Variants in CACHD1 observed in about 807,000 individuals in gnomAD.
CACHD1 encodes the protein VWFA and cache domain-containing protein 1.
A neutral mutation model predicts 138.7 loss-of-function variants in CACHD1; 71 were observed. That is an observed-to-expected ratio of 0.51 (90% confidence interval 0.42 to 0.62). The LOEUF (loss-of-function observed/expected upper bound fraction) is 0.62. Among genes scored for constraint, CACHD1 ranks in the 20% least tolerant of loss-of-function variants. CACHD1 has a pLI of 0.00. For synonymous variants in CACHD1, 578 were observed against 591.5 expected, an observed-to-expected ratio of 0.98 and a Z score of 0.33; for missense variants, 1,389 against 1,625.3, an observed-to-expected ratio of 0.85 and a Z score of 2.50.
At chr1:64,599,499 G>A (rs902091219) in intron 3 of CACHD1, among the ~76,000 whole-genome samples, 7 of 152,044 alleles carry the variant, frequency 4.6e-5, no homozygotes, top group Non-Finnish European at 1.0e-4. Context: ...AATTGGGGTC[G>A]AACAGAAGAG....
chr1:64,617,222 T>C (rs1292402652), intron 4 of CACHD1, among the ~76,000 whole-genome samples: 1 of 152,020 alleles, frequency 6.6e-6, no homozygotes, highest in African/African-American at 2.4e-5. Flanking sequence ...AATCAGAATG[T>C]TGGCTTGGTA....
intron 4 of CACHD1, among the ~76,000 whole-genome samples, chr1:64,606,011 T>A (rs1647325294): frequency 6.6e-6 from 1 of 151,928 alleles, no homozygotes; most frequent in Non-Finnish European, 1.5e-5. Flanking sequence ...ACCTGTTAAG[T>A]GGAAGGAATA....
intron 7 of CACHD1, among the ~76,000 whole-genome samples, chr1:64,637,136 C>T (rs1249666845): frequency 2.6e-5 from 4 of 152,196 alleles, no homozygotes; most frequent in Non-Finnish European, 5.9e-5. Flanking sequence ...TAGAAGTGTT[C>T]TTTCTACCAA....
intron 11 of CACHD1, 45 bp from the exon 12 acceptor site, chr1:64,654,641 A>G: frequency 6.8e-7 from 1 of 1,464,434 alleles, no homozygotes. Flanking sequence ...TAAGTGCTTA[A>G]TTTTATCTTT....
intron 1 of CACHD1, among the ~76,000 whole-genome samples, chr1:64,518,575 C>A (rs1646475868): frequency 6.6e-6 from 1 of 152,144 alleles, no homozygotes; most frequent in Non-Finnish European, 1.5e-5. Context: ...AAATTTAACA[C>A]AGAATCACAT....
intron 7 of CACHD1, among the ~76,000 whole-genome samples, chr1:64,641,082 C>A (rs1648698041): frequency 6.6e-6 from 1 of 151,882 alleles, no homozygotes; most frequent in Non-Finnish European, 1.5e-5. Context: ...CTTTTACCTT[C>A]TTTTTTTATC....
At chr1:64,628,120 A>G (rs1051091413) in intron 4 of CACHD1, among the ~76,000 whole-genome samples, 5 of 152,240 alleles carry the variant, frequency 3.3e-5, no homozygotes, top group African/African-American at 9.6e-5. Flanking sequence ...CTTTGTCTAC[A>G]GTAGAGGTGA....
intron 1 of CACHD1, among the ~76,000 whole-genome samples, chr1:64,548,712 G>A (rs904629051): frequency 2.0e-5 from 3 of 152,142 alleles, no homozygotes; most frequent in African/African-American, 7.2e-5. Flanking sequence ...CACACTAAGT[G>A]GTTTAACAAG....
chr1:64,554,368 T>G (rs1460173706), intron 2 of CACHD1, among the ~76,000 whole-genome samples: 1 of 152,182 alleles, frequency 6.6e-6, no homozygotes, highest in Admixed American at 6.5e-5. Context: ...CCCTAAATAG[T>G]GGGGCAGGTG....
chr1:64,691,310 G>T lies in CACHD1; in HGVS notation c.3587-13G>T. On this transcript the variant is annotated splice_polypyrimidine_tract_variant and intron_variant, in intron 26 of 26. Transcript: ENST00000651257. ...AAGCTCTCAGCTGTGTGTTTGTTTT[G>T]TTCTTTTTCTAGGTTACAGCACCAT... The T allele has an allele frequency of 6.2e-7, 1 of 1,611,688 alleles. No homozygotes were observed.
chr1:64,482,903 G>C (rs1324469261), intron 1 of CACHD1, among the ~76,000 whole-genome samples: 1 of 152,202 alleles, frequency 6.6e-6, no homozygotes, highest in African/African-American at 2.4e-5. Flanking sequence ...TTACTCATCT[G>C]CGTAGTCCTG....
At chr1:64,573,860 A>C (rs143795037) in intron 2 of CACHD1, among the ~76,000 whole-genome samples, 33 of 152,226 alleles carry the variant, frequency 2.2e-4, no homozygotes, top group Non-Finnish European at 4.7e-4. Flanking sequence ...ATTAAAAGGC[A>C]TCAGGTAAAG....
At position 64,550,582 on chromosome 1, in the gene CACHD1, T is replaced by G; in HGVS notation, c.199-12T>G. 1 of 1,600,952 alleles carries G rather than the reference T, an allele frequency of 6.2e-7. No homozygotes were observed. Reference sequence around the variant, plus strand: ...TTTAGAAAATCTCATGTTCATTTTCTTTTCATTGCAGCGGATATTCAACTC... The same window carrying G: ...TTTAGAAAATCTCATGTTCATTTTCGTTTCATTGCAGCGGATATTCAACTC... On this transcript the variant is annotated splice_polypyrimidine_tract_variant and intron_variant, in intron 1 of 26. Transcript: ENST00000651257.
chr1:64,665,453 C>T (rs558669288), intron 15 of CACHD1, among the ~76,000 whole-genome samples: 5 of 152,032 alleles, frequency 3.3e-5, no homozygotes, highest in African/African-American at 9.6e-5. Flanking sequence ...GAATGAGACC[C>T]TGTCAAAAAA....
intron 3 of CACHD1, among the ~76,000 whole-genome samples, chr1:64,587,303 T>C (rs1647057969): frequency 1.3e-5 from 2 of 152,246 alleles, no homozygotes. Context: ...ATGATTATAA[T>C]CCATATTTGG....
chr1:64,600,190 C>T (rs1647198741), intron 3 of CACHD1, among the ~76,000 whole-genome samples: 1 of 152,122 alleles, frequency 6.6e-6, no homozygotes, highest in African/African-American at 2.4e-5. Context: ...CATCTAAATC[C>T]AATCAGAAGA....
intron 4 of CACHD1, among the ~76,000 whole-genome samples, chr1:64,620,881 C>T (rs1647889593): frequency 6.6e-6 from 1 of 152,086 alleles, no homozygotes; most frequent in Non-Finnish European, 1.5e-5. Flanking sequence ...GGAACAGAAA[C>T]TATTAAGATC....
At chr1:64,670,228 A>G (rs1309250091) in intron 16 of CACHD1, among the ~76,000 whole-genome samples, 4 of 152,150 alleles carry the variant, frequency 2.6e-5, no homozygotes, top group Admixed American at 6.6e-5. Context: ...TTGAGCCCCC[A>G]GGAGCTTGAA....
intron 10 of CACHD1, 127 bp from the exon 11 acceptor site, chr1:64,653,631 G>A (rs1649172896): frequency 3.6e-6 from 3 of 837,382 alleles, no homozygotes; most frequent in South Asian, 3.8e-5. Context: ...TTACTGGACT[G>A]GTGAGTTGCA....
Sources: gnomAD v4.1 joint callset for allele counts (sites outside exome capture counted in the v4.1 genomes callset) on GRCh38, gnomAD v4.1.1 for gene constraint, MANE v1.5 for transcripts, NCBI Gene and HGNC (gene_info 2026-07-23, HGNC 2026-07-21) for gene names.